The following BMERB1 variants were observed in gnomAD, a reference collection of about 807,000 sequenced individuals.
BMERB1 encodes the protein bMERB domain containing 1, also known as bMERB domain-containing protein 1.
A neutral mutation model predicts 23.6 loss-of-function variants in BMERB1; 12 were observed. The ratio of observed to expected loss-of-function variants is 0.51; its 90% CI spans 0.33 to 0.82. The LOEUF is 0.82. Ranked by LOEUF, BMERB1 falls within the 40% of genes least tolerant of loss-of-function variation. The pLI, the probability that BMERB1 is intolerant of heterozygous loss-of-function variation, is 0.03. For missense variants in BMERB1, 247 were observed against 255.4 expected (o/e 0.97, Z 0.22); for synonymous variants, 122 against 96.6 (o/e 1.26, Z -1.54).
At chr16:15,456,171 C>T (rs777253245) in intron 1 of BMERB1, among the ~76,000 whole-genome samples, 27 of 152,192 alleles carry the variant, frequency 1.8e-4, no homozygotes, top group Non-Finnish European at 3.1e-4. Context: ...ATTGTCATTC[C>T]GTCACAAGTT....
At chr16:15,446,831 A>G (rs1418573637) in intron 1 of BMERB1, among the ~76,000 whole-genome samples, 3 of 152,220 alleles carry the variant, frequency 2.0e-5, no homozygotes, top group Non-Finnish European at 4.4e-5. Flanking sequence ...TCACCACTTC[A>G]AAGTGCCTTC....
At chr16:15,506,959 C>T (rs1379597859) in intron 1 of BMERB1, among the ~76,000 whole-genome samples, 2 of 152,154 alleles carry the variant, frequency 1.3e-5, no homozygotes, top group African/African-American at 2.4e-5. Context: ...TCACTTATGA[C>T]CTCTCTAAGC....
intron 1 of BMERB1, among the ~76,000 whole-genome samples, chr16:15,444,123 G>GTTTTTTTTTTTTTTGTTTTTTTTTTT (rs2050966802): frequency 1.1e-4 from 4 of 35,622 alleles, no homozygotes; most frequent in African/African-American, 3.9e-4. Context: ...CACCAGCTTT[G>GTTTTTTTTTTTTTTGTTTTTTTTTTT]TTTTTTTTTT....
At chr16:15,471,339 T>A (rs2051227468) in intron 1 of BMERB1, among the ~76,000 whole-genome samples, 2 of 152,242 alleles carry the variant, frequency 1.3e-5, no homozygotes, top group Admixed American at 1.3e-4. Context: ...TTCTGGAGAT[T>A]TCTCCTGGAG....
At chr16:15,549,548 G>A (rs949578963) in intron 2 of BMERB1, among the ~76,000 whole-genome samples, 1 of 150,510 alleles carries the variant, frequency 6.6e-6, no homozygotes, top group African/African-American at 2.4e-5. Flanking sequence ...GCGTGGTGGC[G>A]GGCGCCTGTA....
At chr16:15,493,736 A>AT (rs1555508272) in intron 1 of BMERB1, among the ~76,000 whole-genome samples, 1 of 151,606 alleles carries the variant, frequency 6.6e-6, no homozygotes, top group African/African-American at 2.4e-5. Flanking sequence ...GATATATCCC[A>AT]CCCTATTTCT....
Position 15,516,982 on chromosome 16 carries a change from C to T in BMERB1, c.230+1554C>T, listed in dbSNP as rs543416211. ...TGGGACGTTATATGACCTTCCCTCT[C>T]GCCACATAAAATGAACTGCAGTATT... On this transcript the variant is annotated intron_variant, in intron 2 of 5. Coordinates refer to ENST00000300006, the MANE Select transcript of BMERB1 (RefSeq NM_033201.3). 4.7e-4 allele frequency among the ~76,000 whole-genome samples: 72 copies of T among 152,288 alleles called. 1 individual carries two copies. The highest frequency in any genetic ancestry group is 1.6e-3 in the African/African-American group (68 of 41,554).
At chr16:15,443,454 G>A (rs153798) in intron 1 of BMERB1, among the ~76,000 whole-genome samples, 50,261 of 151,306 alleles carry the variant, frequency 0.33, 9,253 homozygotes, top group Middle Eastern at 0.49. Flanking sequence ...TGAGAGAATC[G>A]CTTGAGCCTG....
chr16:15,536,152 G>A (rs1273371408), intron 2 of BMERB1, among the ~76,000 whole-genome samples: 1 of 152,162 alleles, frequency 6.6e-6, no homozygotes, highest in Non-Finnish European at 1.5e-5. Context: ...GTGGAAGGAA[G>A]GTGACATCAG....
intron 1 of BMERB1, among the ~76,000 whole-genome samples, chr16:15,507,789 A>AT (rs2051610660): frequency 6.6e-6 from 1 of 152,080 alleles, no homozygotes; most frequent in Non-Finnish European, 1.5e-5. Context: ...CTGTATCAGC[A>AT]TTTTTCACTC....
At chr16:15,490,514 C>T (rs1419629906) in intron 1 of BMERB1, among the ~76,000 whole-genome samples, 1 of 152,116 alleles carries the variant, frequency 6.6e-6, no homozygotes, top group African/African-American at 2.4e-5. Context: ...AACTCTTGGT[C>T]TCAAGCAACC....
chr16:15,453,567 G>C (rs1001471395), intron 1 of BMERB1, among the ~76,000 whole-genome samples: 2 of 152,066 alleles, frequency 1.3e-5, no homozygotes, highest in African/African-American at 4.8e-5. Context: ...GGGCAATAGA[G>C]TGAGACCCTG....
At chr16:15,529,397 T>TA (rs2051946188) in intron 2 of BMERB1, among the ~76,000 whole-genome samples, 1 of 152,138 alleles carries the variant, frequency 6.6e-6, no homozygotes, top group African/African-American at 2.4e-5. Context: ...AGGCACCTGA[T>TA]AAACTCTGTC....
chr16:15,476,287 T>G (rs2150933570), intron 1 of BMERB1, among the ~76,000 whole-genome samples: 1 of 151,856 alleles, frequency 6.6e-6, no homozygotes, highest in East Asian at 1.9e-4. Context: ...CTCAGCCTTC[T>G]GAGTAGCTGG....
chr16:15,535,483 T>TA (rs899970645), intron 2 of BMERB1, among the ~76,000 whole-genome samples: 2 of 151,726 alleles, frequency 1.3e-5, no homozygotes, highest in Non-Finnish European at 2.9e-5. Context: ...CCATCTCTAC[T>TA]AAAAATACAA....
At chr16:15,479,304 TA>T (rs1470776069) in intron 1 of BMERB1, among the ~76,000 whole-genome samples, 1 of 152,204 alleles carries the variant, frequency 6.6e-6, no homozygotes, top group Non-Finnish European at 1.5e-5. Context: ...AAGATCAGTG[TA>T]AATCAGTGGC....
At chr16:15,436,696 A>G (rs917335632) in intron 1 of BMERB1, among the ~76,000 whole-genome samples, 1 of 150,972 alleles carries the variant, frequency 6.6e-6, no homozygotes, top group African/African-American at 2.4e-5. Flanking sequence ...CCATCCCAAT[A>G]CCCTCCCCAG....
At chr16:15,538,988 A>G (rs2052053613) in intron 2 of BMERB1, among the ~76,000 whole-genome samples, 1 of 152,194 alleles carries the variant, frequency 6.6e-6, no homozygotes, top group African/African-American at 2.4e-5. Context: ...CAATTTTTCC[A>G]TGGACCAGGG....
intron 1 of BMERB1, among the ~76,000 whole-genome samples, chr16:15,485,714 C>CA (rs918047308): frequency 6.8e-4 from 90 of 131,914 alleles, no homozygotes; most frequent in Admixed American, 8.4e-4. Context: ...CCCCCCAGGC[C>CA]AAAAAAAAAA....
Sources: allele counts gnomAD v4.1 joint callset (sites outside exome capture counted in the v4.1 genomes callset), GRCh38; gene constraint gnomAD v4.1.1; transcripts MANE v1.5; gene names NCBI Gene and HGNC (gene_info 2026-07-23, HGNC 2026-07-21).